GOLPH3: variants seen among roughly 807,000 people sequenced by gnomAD.
GOLPH3 encodes the protein golgi phosphoprotein 3.
A neutral mutation model predicts 28.5 loss-of-function variants in GOLPH3; 14 were observed. The observed-to-expected ratio is 0.49, with a 90% CI of 0.32 to 0.77. The LOEUF (loss-of-function observed/expected upper bound fraction) is 0.77, where lower values mean the gene tolerates loss of function less well. Ranked by LOEUF, GOLPH3 falls within the 30% of genes least tolerant of loss-of-function variation. The probability of loss-of-function intolerance (pLI) is 0.03; values close to 1 mark genes in which losing one functional copy is unlikely to be tolerated. For synonymous variants in GOLPH3, 158 were observed against 159.2 expected (o/e 0.99, Z 0.06); for missense variants, 350 against 393.7 (o/e 0.89, Z 0.94).
chr5:32,137,167 C>G (rs34932754), intron 2 of GOLPH3, among the ~76,000 whole-genome samples: 4,495 of 151,632 alleles, frequency 0.03, 59 homozygotes, highest in Non-Finnish European at 0.044. Context: ...CCATGTTGGT[C>G]AGGCTGGTCT....
intron 1 of GOLPH3, among the ~76,000 whole-genome samples, chr5:32,151,508 C>T (rs765484200): frequency 9.2e-5 from 14 of 151,604 alleles, no homozygotes; most frequent in Non-Finnish European, 2.9e-5. Flanking sequence ...GATCCTGTCT[C>T]AAAAAAATAT....
Position 32,135,839 on chromosome 5 carries a change from T to C in GOLPH3, c.358-153A>G, listed in dbSNP as rs552079518. On this transcript the variant is annotated intron_variant, in intron 2 of 3. Coordinates refer to ENST00000265070, the MANE Select transcript of GOLPH3 (RefSeq NM_022130.4). ...CAAAGTTCAGATTTTAAATTACTTTTATGTTAAGGAAATCCAATATTTAAC... is the reference window on the plus strand; with the variant it reads ...CAAAGTTCAGATTTTAAATTACTTTCATGTTAAGGAAATCCAATATTTAAC... 3.4e-4 allele frequency among the ~76,000 whole-genome samples: 52 copies of C among 152,376 alleles called. No homozygotes were observed. The South Asian group carries it at 0.011, about 31-fold the overall frequency.
In GOLPH3 at chr5:32,173,974, T is replaced by A. The variant is rs552452157; in HGVS notation, c.61A>T (p.Asn21Tyr). 7.2e-7 allele frequency: 1 copy of A among 1,395,586 alleles called. No individual in the cohort carries two copies. The highest frequency in any genetic ancestry group is 1.5e-5 in the African/African-American group (1 of 66,252). The allele number at this position is 1,395,586 out of a possible 1,614,324, so 86.5% of individuals were successfully genotyped here. A position where few individuals can be genotyped will look rare whatever the true frequency, so the allele number is the denominator to read the frequency against. ...GCCGCCCGCTCCTTGTCGGCGGCGT[T>A]GCGGGAGGCCTCGGTGCGCCGCTGC... ...LVQRRTEASR[N>Y]AADKERAAGG... is the part of the protein sequence containing the mutation. The change falls in exon 1 of 4, where the codon AAC (asparagine) becomes TAC (tyrosine). Residue 21 changes from asparagine to tyrosine, a missense_variant. Coordinates refer to ENST00000265070, the MANE Select transcript of GOLPH3 (RefSeq NM_022130.4).
chr5:32,165,400 T>C (rs1223597811), intron 1 of GOLPH3, among the ~76,000 whole-genome samples: 1 of 152,160 alleles, frequency 6.6e-6, no homozygotes, highest in Non-Finnish European at 1.5e-5. Flanking sequence ...CTGGCCAACA[T>C]GGCGAAACCT....
intron 1 of GOLPH3, 132 bp from the exon 2 acceptor site, chr5:32,144,012 C>T: frequency 1.9e-6 from 1 of 529,318 alleles, no homozygotes; most frequent in Non-Finnish European, 3.1e-6. Context: ...TAATAATATA[C>T]TGAAAAAATA....
At chr5:32,167,864 G>A (rs893681477) in intron 1 of GOLPH3, among the ~76,000 whole-genome samples, 2 of 152,054 alleles carry the variant, frequency 1.3e-5, no homozygotes, top group East Asian at 3.9e-4. Context: ...TGAGGAGGGA[G>A]GATTGCTTGA....
At position 32,171,006 on chromosome 5, in the gene GOLPH3, A is replaced by C. The variant is rs138566890; in HGVS notation, c.225+2804T>G. Among the ~76,000 whole-genome samples the C allele has an allele frequency of 3.6e-3, 554 of 152,296 alleles. 2 individuals carry two copies. The highest frequency in any genetic ancestry group is 0.013 in the African/African-American group (524 of 41,556). On this transcript the variant is annotated intron_variant, in intron 1 of 3. Coordinates refer to ENST00000265070, the MANE Select transcript of GOLPH3 (RefSeq NM_022130.4). ...TAGCCATGACTAGCAAAGTATAATG[A>C]GTGACTCTTGATGCAAAATAAACAG...
rs1231106633 is a variant in GOLPH3, at chr5:32,143,076, A to G, written c.357+673T>C. ...CGTGTCTGTGTAGAAAGAGGTAGAC[A>G]TGGGAGACTTTTCATTTTGTTCTAC... On this transcript the variant is annotated intron_variant, in intron 2 of 3. Coordinates refer to ENST00000265070, the MANE Select transcript of GOLPH3 (RefSeq NM_022130.4). Among the ~76,000 whole-genome samples the G allele has an allele frequency of 2.0e-5, 3 of 152,286 alleles. No individual in the cohort carries two copies. The East Asian group carries it at 5.8e-4, about 29-fold the overall frequency.
intron 3 of GOLPH3, among the ~76,000 whole-genome samples, chr5:32,129,131 G>A (rs566652478): frequency 5.9e-5 from 9 of 152,216 alleles, no homozygotes; most frequent in East Asian, 5.8e-4. Flanking sequence ...GCAGTGAGCC[G>A]AGATTGCACC....
chr5:32,157,749 G>A (rs60968284), intron 1 of GOLPH3, among the ~76,000 whole-genome samples: 9,367 of 152,092 alleles, frequency 0.062, 650 homozygotes, highest in African/African-American at 0.17. Context: ...GGCTAAGGCG[G>A]GTGGATCACT....
At chr5:32,143,278 TCCC>T (rs1746121825) in intron 2 of GOLPH3, among the ~76,000 whole-genome samples, 1 of 151,060 alleles carries the variant, frequency 6.6e-6, no homozygotes, top group Admixed American at 6.6e-5. Context: ...TCATCACCAC[TCCC>T]TAATCTCAAG....
At chr5:32,134,838 C>A (rs537155609) in intron 3 of GOLPH3, 2 of 151,806 alleles carry the variant, frequency 1.3e-5, no homozygotes, top group African/African-American at 2.4e-5. Context: ...GTCCCCCAAC[C>A]CCTAAAAAAA....
At chr5:32,161,098 G>T (rs1205295265) in intron 1 of GOLPH3, among the ~76,000 whole-genome samples, 2 of 148,192 alleles carry the variant, frequency 1.3e-5, no homozygotes, top group African/African-American at 5.1e-5. Context: ...AAAAAATTGG[G>T]TGGCATCAAA....
chr5:32,155,873 C>T (rs1486376075), intron 1 of GOLPH3, among the ~76,000 whole-genome samples: 4 of 134,462 alleles, frequency 3.0e-5, no homozygotes, highest in African/African-American at 8.2e-5. Flanking sequence ...AGGAGAACTG[C>T]TTGAACCCAG....
intron 3 of GOLPH3, among the ~76,000 whole-genome samples, chr5:32,131,075 C>G (rs1745815949): frequency 6.6e-6 from 1 of 152,180 alleles, no homozygotes; most frequent in Non-Finnish European, 1.5e-5. Context: ...TAAAAAGGGA[C>G]CCAGCTATCA....
At chr5:32,160,072 G>A (rs894399061) in intron 1 of GOLPH3, among the ~76,000 whole-genome samples, 6 of 152,136 alleles carry the variant, frequency 3.9e-5, no homozygotes, top group African/African-American at 1.4e-4. Context: ...AGCAAAAACT[G>A]TAATTATTTA....
At chr5:32,170,159 C>T (rs1746799635) in intron 1 of GOLPH3, among the ~76,000 whole-genome samples, 1 of 152,042 alleles carries the variant, frequency 6.6e-6, no homozygotes, top group Non-Finnish European at 1.5e-5. Flanking sequence ...ACAATAAGAA[C>T]AAAGGACAAT....
At chr5:32,172,472 G>A (rs1746858835) in intron 1 of GOLPH3, among the ~76,000 whole-genome samples, 2 of 151,728 alleles carry the variant, frequency 1.3e-5, no homozygotes, top group African/African-American at 4.8e-5. Flanking sequence ...CGAGGCAGGC[G>A]GATCACTAGG....
rs371590080 is a variant in GOLPH3, at chr5:32,158,091, AAAATAAATAAAT to A, written c.226-14223_226-14212del. ...CAAAATCAGCTTTAAACTCTGTCTC[AAAATAAATAAAT>A]AAATAAATAAATAAATAAATAAATA... On this transcript the variant is annotated intron_variant, in intron 1 of 3. Transcript: ENST00000265070. Among the ~76,000 whole-genome samples the A allele has an allele frequency of 1.3e-3, 57 of 43,270 alleles. 2 individuals are homozygous for A. The highest frequency in any genetic ancestry group is 5.9e-3 in the African/African-American group (52 of 8,818). The allele number at this position is 43,270 out of a possible 152,430, so 28.4% of individuals were successfully genotyped here.
Sources: gnomAD v4.1 joint callset for allele counts (sites outside exome capture counted in the v4.1 genomes callset) on GRCh38, gnomAD v4.1.1 for gene constraint, MANE v1.5 for transcripts, NCBI Gene and HGNC (gene_info 2026-07-23, HGNC 2026-07-21) for gene names.